Variants in MORC1 observed in about 807,000 individuals in gnomAD.
MORC1 encodes MORC family CW-type zinc finger protein 1.
A neutral mutation model predicts 134.9 loss-of-function variants in MORC1; 59 were observed. That is an observed-to-expected ratio of 0.44 (90% confidence interval 0.35 to 0.54). MORC1 has a LOEUF of 0.54. MORC1 is among the 20% of genes least tolerant of loss of function. The pLI is 0.00. For synonymous variants in MORC1, 395 were observed against 391.7 expected (o/e 1.01, Z -0.10); for missense variants, 947 against 1,134.5 (o/e 0.83, Z 2.37).
intron 9 of MORC1, among the ~76,000 whole-genome samples, chr3:109,063,614 C>T (rs1437686751): frequency 1.3e-5 from 2 of 152,172 alleles, no homozygotes; most frequent in Admixed American, 6.5e-5. Context: ...AACTACTTCT[C>T]CTAGTCCCAA....
chr3:109,047,155 T>C (rs1183599433), intron 14 of MORC1, among the ~76,000 whole-genome samples: 1 of 152,186 alleles, frequency 6.6e-6, no homozygotes, highest in Non-Finnish European at 1.5e-5. Flanking sequence ...CCATATACAG[T>C]ACAACTGTAT....
chr3:109,007,160 A>T, intron 17 of MORC1, 69 bp from the exon 18 acceptor site: 11 of 1,178,736 alleles, frequency 9.3e-6, no homozygotes, highest in Non-Finnish European at 1.4e-5. Flanking sequence ...TAGGGTAATA[A>T]TTCAGCATTC....
chr3:109,045,685 T>C (rs1015175502), intron 14 of MORC1, among the ~76,000 whole-genome samples: 1 of 152,192 alleles, frequency 6.6e-6, no homozygotes, highest in African/African-American at 2.4e-5. Context: ...ACAGTCCTTC[T>C]TCCCTTTCTC....
At chr3:109,093,883 C>T (rs1217510630) in intron 7 of MORC1, among the ~76,000 whole-genome samples, 1 of 152,174 alleles carries the variant, frequency 6.6e-6, no homozygotes, top group Non-Finnish European at 1.5e-5. Flanking sequence ...ATAGGTAAAG[C>T]TCTCATTGGT....
At chr3:109,047,944 G>C (rs1456191348) in intron 14 of MORC1, among the ~76,000 whole-genome samples, 1 of 152,130 alleles carries the variant, frequency 6.6e-6, no homozygotes, top group Non-Finnish European at 1.5e-5. Context: ...TTAAAAGAGA[G>C]ACAATCAGCC....
intron 9 of MORC1, among the ~76,000 whole-genome samples, chr3:109,065,118 A>ATAG (rs1203979517): frequency 6.6e-6 from 1 of 152,148 alleles, no homozygotes; most frequent in Non-Finnish European, 1.5e-5. Context: ...GAATACAGTA[A>ATAG]TAGTATCTAT....
At chr3:108,983,500 T>A (rs1300866312) in intron 23 of MORC1, among the ~76,000 whole-genome samples, 3 of 152,106 alleles carry the variant, frequency 2.0e-5, no homozygotes, top group African/African-American at 7.2e-5. Flanking sequence ...CTACTTTAGA[T>A]GGAGTTGTCA....
chr3:109,057,577 C>T (rs1031253), intron 12 of MORC1, 91 bp from the exon 13 acceptor site: 11 of 1,210,092 alleles, frequency 9.1e-6, no homozygotes, highest in East Asian at 8.2e-5. Flanking sequence ...AGAAGGTTAA[C>T]GTCAAAGGCA....
At chr3:109,065,614 C>T (rs1950178136) in intron 9 of MORC1, among the ~76,000 whole-genome samples, 1 of 152,166 alleles carries the variant, frequency 6.6e-6, no homozygotes, top group Non-Finnish European at 1.5e-5. Flanking sequence ...GAATTGCTCA[C>T]TCTGATAGAA....
intron 13 of MORC1, among the ~76,000 whole-genome samples, chr3:109,057,023 T>C (rs1326375627): frequency 6.6e-6 from 1 of 152,244 alleles, no homozygotes; most frequent in Non-Finnish European, 1.5e-5. Context: ...ATGTATTTAA[T>C]AAGCTCGTAT....
At chr3:109,010,184 T>C (rs1576628523) in intron 17 of MORC1, among the ~76,000 whole-genome samples, 1 of 152,174 alleles carries the variant, frequency 6.6e-6, no homozygotes, top group African/African-American at 2.4e-5. Context: ...AAAAGTCATT[T>C]TCAGCTTGTG....
chr3:108,958,680 T>G lies in MORC1; in HGVS notation c.*285A>C. Reference sequence around the variant, plus strand: ...TAACAAAAGTTAAGCTTGAGTGACATTTTCATTTTTTTCAGTAGCTCACAT... The same window carrying G: ...TAACAAAAGTTAAGCTTGAGTGACAGTTTCATTTTTTTCAGTAGCTCACAT... On this transcript the variant is annotated 3_prime_UTR_variant, in exon 28 of 28. Transcript: ENST00000232603. 5.9e-6 allele frequency: 1 copy of G among 170,430 alleles called. No individual in the cohort carries two copies. Among genetic ancestry groups the G allele is most frequent in the Non-Finnish European group, 1.2e-5 (1 of 80,352 alleles). 10.6% of individuals were successfully genotyped at this position (170,430 alleles called of 1,614,324 possible).
chr3:109,021,067 G>A (rs925784738), intron 17 of MORC1, among the ~76,000 whole-genome samples: 1 of 152,174 alleles, frequency 6.6e-6, no homozygotes, highest in Non-Finnish European at 1.5e-5. Context: ...AGAGGGTACA[G>A]GCGTGGAGGC....
intron 25 of MORC1, among the ~76,000 whole-genome samples, chr3:108,970,985 C>T (rs35141721): frequency 0.025 from 3,797 of 152,208 alleles, 77 homozygotes; most frequent in Middle Eastern, 0.11. Flanking sequence ...ATGTGCCTGA[C>T]CTACCCAATC....
intron 8 of MORC1, 125 bp from the exon 9 acceptor site, chr3:109,069,882 TA>T: frequency 9.6e-7 from 1 of 1,037,582 alleles, no homozygotes; most frequent in Non-Finnish European, 1.3e-6. Flanking sequence ...ACTTTTCTTC[TA>T]AAACTAATGA....
At position 108,959,063 on chromosome 3, in the gene MORC1, C is replaced by T. The variant is rs78212601; in HGVS notation, c.2857G>A (p.Glu953Lys). The change falls in exon 28 of 28, where the codon GAA (glutamate) becomes AAA (lysine). Residue 953 changes from glutamate to lysine, a missense_variant. Coordinates refer to ENST00000232603, the MANE Select transcript of MORC1 (RefSeq NM_014429.4). ...TDTYLEALLK[E>K]DNLLFQNNLN... is the part of the protein sequence containing the mutation. ...TTGTTCTGGAAGAGAAGATTATCTT[C>T]TTTAAGCAAAGCTTCTAAATAAGTG... The T allele has an allele frequency of 0.024, 37,955 of 1,583,370 alleles. 609 individuals are homozygous for T. Among genetic ancestry groups the T allele is most frequent in the Non-Finnish European group, 0.03 (34,400 of 1,165,616 alleles).
At chr3:108,983,038 A>C (rs950408859) in intron 23 of MORC1, among the ~76,000 whole-genome samples, 1 of 152,174 alleles carries the variant, frequency 6.6e-6, no homozygotes, top group Admixed American at 6.5e-5. Context: ...AAAAAAAACA[A>C]TCTCATAAAG....
chr3:109,060,028 TCA>T (rs1269409623), intron 11 of MORC1, among the ~76,000 whole-genome samples, 158 bp from the exon 12 acceptor site: 1 of 152,330 alleles, frequency 6.6e-6, no homozygotes, highest in East Asian at 1.9e-4. Context: ...GATAAATTAT[TCA>T]GTTCCAATAC....
chr3:109,076,411 C>T (rs1307956963), intron 8 of MORC1, among the ~76,000 whole-genome samples: 2 of 152,152 alleles, frequency 1.3e-5, no homozygotes, highest in Non-Finnish European at 2.9e-5. Context: ...TTGTGGAAGA[C>T]AGTGTGGCAA....
Sources: gnomAD v4.1 joint callset for allele counts (sites outside exome capture counted in the v4.1 genomes callset) on GRCh38, gnomAD v4.1.1 for gene constraint, MANE v1.5 for transcripts, NCBI Gene and HGNC (gene_info 2026-07-23, HGNC 2026-07-21) for gene names.